The following RIMOC1 variants were observed in gnomAD, a reference collection of about 807,000 sequenced individuals.
RIMOC1 encodes the protein RAB7A interacting MON1-CCZ1 complex subunit 1.
chr5:41,920,710 A>G, the RIMOC1 span: 6 of 152,206 alleles, frequency 3.9e-5, no homozygotes, highest in Non-Finnish European at 7.4e-5. Flanking sequence ...TCCTTTGGTT[A>G]TATACCTTGC....
At chr5:41,920,415 A>C in the RIMOC1 span, 1 of 152,194 alleles carries the variant, frequency 6.6e-6, no homozygotes, top group East Asian at 1.9e-4. Context: ...ACTACACTAA[A>C]TTCACTCAAC....
chr5:41,917,547 C>G, the RIMOC1 span: 1 of 1,151,922 alleles, frequency 8.7e-7, no homozygotes, highest in African/African-American at 1.6e-5. Flanking sequence ...GATGTTATGT[C>G]ACTAATAATG....
chr5:41,918,021 A>T, the RIMOC1 span: 1 of 985,562 alleles, frequency 1.0e-6, no homozygotes, highest in Non-Finnish European at 1.2e-6. Context: ...TTTTTGTAGC[A>T]CATCTTTTCA....
At chr5:41,906,998 C>A in the RIMOC1 span, among the ~76,000 whole-genome samples, 1 of 151,898 alleles carries the variant, frequency 6.6e-6, no homozygotes, top group Non-Finnish European at 1.5e-5. Flanking sequence ...TGGATAGTAC[C>A]TTGAAGTGGA....
chr5:41,908,006 T>C, the RIMOC1 span, among the ~76,000 whole-genome samples: 1 of 152,154 alleles, frequency 6.6e-6, no homozygotes, highest in South Asian at 2.1e-4. Flanking sequence ...AACTTTGAGG[T>C]AGTATGAAAA....
chr5:41,921,281 A>G, the RIMOC1 span: 1 of 152,568 alleles, frequency 6.6e-6, no homozygotes, highest in African/African-American at 2.4e-5. Flanking sequence ...CCACATTTTT[A>G]AAAACTCACA....
the RIMOC1 span, among the ~76,000 whole-genome samples, chr5:41,913,079 T>G: frequency 6.6e-6 from 1 of 152,296 alleles, no homozygotes; most frequent in East Asian, 1.9e-4. Context: ...AGGACATTGC[T>G]TTTATTCTCA....
the RIMOC1 span, among the ~76,000 whole-genome samples, chr5:41,914,427 A>G: frequency 1.3e-5 from 2 of 151,784 alleles, no homozygotes; most frequent in African/African-American, 4.8e-5. Context: ...ACTGCATTCC[A>G]GCCTGGGGGA....
chr5:41,918,661 A>G, the RIMOC1 span: 46 of 985,202 alleles, frequency 4.7e-5, no homozygotes, highest in South Asian at 1.4e-4. Flanking sequence ...AAAGCCCTCA[A>G]TGTAAACCTT....
the RIMOC1 span, among the ~76,000 whole-genome samples, chr5:41,914,891 A>G: frequency 1.3e-5 from 2 of 152,156 alleles, no homozygotes; most frequent in Non-Finnish European, 2.9e-5. Flanking sequence ...GAGAGGCTCA[A>G]ATTATTTTTT....
the RIMOC1 span, chr5:41,912,219 T>C: frequency 8.2e-7 from 1 of 1,219,906 alleles, no homozygotes; most frequent in Non-Finnish European, 1.2e-6. Flanking sequence ...CTAAGTGTTT[T>C]AAAGCTTCTT....
At chr5:41,919,005 CTT>C in the RIMOC1 span, 8 of 146,068 alleles carry the variant, frequency 5.5e-5, no homozygotes, top group South Asian at 2.2e-4. Flanking sequence ...CTCTCTCTCT[CTT>C]TTTTTTTTTT....
At chr5:41,908,917 G>A in the RIMOC1 span, among the ~76,000 whole-genome samples, 1 of 152,108 alleles carries the variant, frequency 6.6e-6, no homozygotes, top group Non-Finnish European at 1.5e-5. Flanking sequence ...CCTTTCGCAC[G>A]ATAACATTTA....
chr5:41,904,388 T>C, the RIMOC1 span: 2 of 1,613,654 alleles, frequency 1.2e-6, no homozygotes, highest in African/African-American at 2.7e-5. Context: ...CAGTCTCTAG[T>C]GTGGTGAGAC....
At chr5:41,912,810 T>G in the RIMOC1 span, among the ~76,000 whole-genome samples, 2 of 152,142 alleles carry the variant, frequency 1.3e-5, no homozygotes, top group African/African-American at 4.8e-5. Flanking sequence ...GCCAAACATA[T>G]CAAGCCTCTG....
chr5:41,908,980 T>C, the RIMOC1 span, among the ~76,000 whole-genome samples: 1 of 152,172 alleles, frequency 6.6e-6, no homozygotes, highest in African/African-American at 2.4e-5. Flanking sequence ...GTAACGTTTC[T>C]AGTACCTTAC....
chr5:41,908,462 AG>A, the RIMOC1 span: 1 of 152,148 alleles, frequency 6.6e-6, no homozygotes, highest in South Asian at 2.1e-4. Flanking sequence ...TGGATTGCTA[AG>A]GGATAATAAA....
the RIMOC1 span, chr5:41,912,280 G>A: frequency 5.5e-6 from 4 of 721,680 alleles, no homozygotes; most frequent in East Asian, 2.6e-5. Flanking sequence ...TAAATGTCAA[G>A]GTAGATTATA....
At chr5:41,914,440 G>A in the RIMOC1 span, among the ~76,000 whole-genome samples, 5 of 149,926 alleles carry the variant, frequency 3.3e-5, no homozygotes, top group Non-Finnish European at 4.4e-5. Context: ...CTGGGGGATA[G>A]AGCCAGACTC....
Sources: gnomAD v4.1 joint callset for allele counts (sites outside exome capture counted in the v4.1 genomes callset) on GRCh38, gnomAD v4.1.1 for gene constraint, MANE v1.5 for transcripts, NCBI Gene and HGNC (gene_info 2026-07-23, HGNC 2026-07-21) for gene names.